Variants in HDAC9 observed in about 807,000 individuals in gnomAD.
HDAC9 encodes the protein histone deacetylase 9, also known as MEF-2 interacting transcription repressor (MITR) protein.
In HDAC9, 41 loss-of-function variants were observed where a neutral mutation model predicts 139.4. That is an observed-to-expected ratio of 0.29 (90% confidence interval 0.23 to 0.38). The LOEUF (loss-of-function observed/expected upper bound fraction) is 0.38. HDAC9 is among the 10% of genes least tolerant of loss of function. The pLI, the probability that HDAC9 is intolerant of heterozygous loss-of-function variation, is 1.00. For missense variants in HDAC9, 1,147 were observed against 1,297.0 expected, an observed-to-expected ratio of 0.88 and a Z score of 1.78; for synonymous variants, 517 against 476.2, an observed-to-expected ratio of 1.09 and a Z score of -1.12.
rs148676147 is a variant in HDAC9 at position 18,885,975 on chromosome 7, A to G, written c.2803+11379A>G. Among the ~76,000 whole-genome samples the G allele has an allele frequency of 4.5e-3, 687 of 152,342 alleles. 1 individual carries two copies. The highest frequency in any genetic ancestry group is 7.6e-3 in the Non-Finnish European group (519 of 68,034). The stretch of plus-strand genomic sequence containing the variant: ...TCCTGCAAGGACAGAGGAAGGGAAT[A>G]TGCAAGACATTTATGATTGCATGTA... On this transcript the variant is annotated intron_variant, in intron 22 of 25. Coordinates refer to ENST00000686413, the MANE Select transcript of HDAC9 (RefSeq NM_178425.4).
intron 2 of HDAC9, among the ~76,000 whole-genome samples, chr7:18,283,680 G>T (rs944913584): frequency 1.1e-4 from 17 of 152,140 alleles, no homozygotes; most frequent in African/African-American, 4.1e-4. Flanking sequence ...CTCTAAAACA[G>T]ATTTTAAAAG....
rs1784464347 is a variant in HDAC9 at position 18,123,228 on chromosome 7, A to G, written c.-97+36015A>G. On this transcript the variant is annotated intron_variant, in intron 1 of 12. Coordinates refer to the HDAC9 transcript ENST00000417496. ...TCACAACCCCCTTTTATTCAGAGCTATTTTATCTAAAATGGTAAAGGAACA... is the reference window on the plus strand; with the variant it reads ...TCACAACCCCCTTTTATTCAGAGCTGTTTTATCTAAAATGGTAAAGGAACA... Among the ~76,000 whole-genome samples, 3 of 152,132 alleles carry G rather than the reference A, an allele frequency of 2.0e-5. No homozygotes were observed. The East Asian group carries it at 5.8e-4, about 29-fold the overall frequency.
At chr7:18,392,475 A>G (rs560443522) in intron 1 of HDAC9, among the ~76,000 whole-genome samples, 152 of 152,176 alleles carry the variant, frequency 1.0e-3, no homozygotes, top group African/African-American at 3.2e-3. Flanking sequence ...TAATGATGTT[A>G]AAATCCGTTA....
rs557399649 is a variant in HDAC9, at chr7:18,983,821, G to A, written c.3170+7868G>A. On this transcript the variant is annotated intron_variant, in intron 25 of 25. Transcript: ENST00000686413. ...GGAGTGATATTTCATTGTGGATTCAGTTTTCCTCCAAAAAGCCATACTCAT... is the reference window on the plus strand; with the variant it reads ...GGAGTGATATTTCATTGTGGATTCAATTTTCCTCCAAAAAGCCATACTCAT... Among the ~76,000 whole-genome samples, 335 of 152,200 alleles carry A rather than the reference G, an allele frequency of 2.2e-3. 1 individual carries two copies. Among genetic ancestry groups the A allele is most frequent in the African/African-American group, 7.8e-3 (325 of 41,526 alleles).
chr7:18,751,074 C>T (rs1250862678), intron 14 of HDAC9, among the ~76,000 whole-genome samples: 2 of 152,134 alleles, frequency 1.3e-5, no homozygotes, highest in Non-Finnish European at 2.9e-5. Context: ...ATGATTCACA[C>T]TGGTCTAAAA....
intron 13 of HDAC9, among the ~76,000 whole-genome samples, chr7:18,745,038 T>C (rs1460706357): frequency 6.6e-6 from 1 of 152,192 alleles, no homozygotes; most frequent in African/African-American, 2.4e-5. Context: ...TTATGTTATA[T>C]TGCAAATGGT....
At chr7:18,983,267 A>G (rs949426308) in intron 25 of HDAC9, among the ~76,000 whole-genome samples, 3 of 152,216 alleles carry the variant, frequency 2.0e-5, no homozygotes, top group Non-Finnish European at 4.4e-5. Flanking sequence ...ATGTGGTAAC[A>G]TATGAAAACA....
At chr7:18,957,835 T>C (rs1783263193) in intron 24 of HDAC9, among the ~76,000 whole-genome samples, 1 of 152,176 alleles carries the variant, frequency 6.6e-6, no homozygotes, top group Non-Finnish European at 1.5e-5. Flanking sequence ...GCCCACCTTC[T>C]AGCCCAGGTT....
chr7:18,724,003 C>T (rs1171958127), intron 12 of HDAC9, among the ~76,000 whole-genome samples: 1 of 152,060 alleles, frequency 6.6e-6, no homozygotes. Flanking sequence ...CAACGTTATA[C>T]AAGGAAAGAT....
intron 2 of HDAC9, among the ~76,000 whole-genome samples, chr7:18,193,161 T>C (rs1562731951): frequency 6.6e-6 from 1 of 152,164 alleles, no homozygotes; most frequent in East Asian, 1.9e-4. Context: ...GAGCACCATG[T>C]TGGATGGGTA....
intron 2 of HDAC9, among the ~76,000 whole-genome samples, chr7:18,282,927 AG>A (rs1484512506): frequency 3.2e-5 from 4 of 125,512 alleles, no homozygotes; most frequent in African/African-American, 1.2e-4. Context: ...GGTAATAAAT[AG>A]GGTATGTGAA....
chr7:18,184,324 CA>C (rs1258459465), intron 2 of HDAC9, among the ~76,000 whole-genome samples: 1 of 152,116 alleles, frequency 6.6e-6, no homozygotes, highest in Non-Finnish European at 1.5e-5. Flanking sequence ...TGCTTGAACC[CA>C]GGAGGGTGAG....
In HDAC9 at chr7:18,909,784, C is replaced by T. The variant is rs868512505; in HGVS notation, c.2804-26025C>T. Among the ~76,000 whole-genome samples, 4 of 151,972 alleles carry T rather than the reference C, an allele frequency of 2.6e-5. No individual in the cohort carries two copies. In the South Asian group the frequency reaches 8.3e-4, roughly 31 times the overall value. On this transcript the variant is annotated intron_variant, in intron 22 of 25. Transcript: ENST00000686413. ...TTGACTCTATATATGTGGGCTTATT[C>T]TGGGTCCTCTCTTCTATTCCACTGA... is the stretch of plus-strand genomic sequence containing the variant.
At chr7:18,626,617 T>G (rs1584312343) in intron 6 of HDAC9, among the ~76,000 whole-genome samples, 1 of 152,326 alleles carries the variant, frequency 6.6e-6, no homozygotes, top group East Asian at 1.9e-4. Context: ...TATTCAAGGT[T>G]ACTGATTTTA....
intron 21 of HDAC9, among the ~76,000 whole-genome samples, chr7:18,859,851 T>TGTGAG (rs1352882806): frequency 1.6e-5 from 2 of 127,080 alleles, no homozygotes; most frequent in East Asian, 5.1e-4. Context: ...TATATATATA[T>TGTGAG]ATATATATGT....
intron 2 of HDAC9, among the ~76,000 whole-genome samples, chr7:18,567,422 A>C (rs1186109232): frequency 6.6e-6 from 1 of 152,198 alleles, no homozygotes; most frequent in Non-Finnish European, 1.5e-5. Context: ...TTTTAGCTTC[A>C]AGATTTATAA....
chr7:18,854,565 A>C (rs1797533700), intron 21 of HDAC9, among the ~76,000 whole-genome samples: 1 of 152,110 alleles, frequency 6.6e-6, no homozygotes, highest in Admixed American at 6.6e-5. Context: ...AAGAAGAGTC[A>C]ATAGGAGGGT....
At position 18,816,665 on chromosome 7, in the gene HDAC9, A is replaced by T. The variant is rs375860898; in HGVS notation, c.2323-12496A>T. ...CCTAAATTGGTTTCTGGTCATCTAA[A>T]TCCCCCAATCCATTACCAGAGAGTG... On this transcript the variant is annotated intron_variant, in intron 17 of 25. Transcript: ENST00000686413. Among the ~76,000 whole-genome samples, 62 of 152,170 alleles carry T rather than the reference A, an allele frequency of 4.1e-4. 1 individual carries two copies. Among genetic ancestry groups the T allele is most frequent in the African/African-American group, 1.4e-3 (60 of 41,424 alleles).
chr7:18,786,683 T>G (rs970389201), intron 16 of HDAC9, among the ~76,000 whole-genome samples: 1 of 127,254 alleles, frequency 7.9e-6, no homozygotes, highest in African/African-American at 3.2e-5. Context: ...CCTTCCTTTT[T>G]GCTCACATAT....
Sources: allele counts gnomAD v4.1 joint callset (sites outside exome capture counted in the v4.1 genomes callset), GRCh38; gene constraint gnomAD v4.1.1; transcripts MANE v1.5; gene names NCBI Gene and HGNC (gene_info 2026-07-23, HGNC 2026-07-21).